The following CIT variants were observed in gnomAD, a reference collection of about 807,000 sequenced individuals.
The protein encoded by CIT is citron rho-interacting serine/threonine kinase.
A neutral mutation model predicts 272.7 loss-of-function variants in CIT; 79 were observed. The observed-to-expected ratio is 0.29, with a 90% CI of 0.24 to 0.35. The LOEUF (loss-of-function observed/expected upper bound fraction) is 0.35. Among genes scored for constraint, CIT ranks in the 10% least tolerant of loss-of-function variants. CIT has a pLI of 1.00. For synonymous variants in CIT, 948 were observed against 995.6 expected (o/e 0.95, Z 0.90); for missense variants, 1,909 against 2,618.3 (o/e 0.73, Z 5.91).
intron 4 of CIT, 64 bp from the exon 5 acceptor site, chr12:119,850,339 C>T: frequency 1.0e-6 from 1 of 974,880 alleles, no homozygotes; most frequent in East Asian, 2.8e-5. Flanking sequence ...GAAGCCTTTT[C>T]CTCTGTCTTT....
chr12:119,804,276 C>G lies in CIT; in HGVS notation c.1112-887G>C. 1.0e-6 allele frequency: 1 copy of G among 985,536 alleles called. No individual in the cohort carries two copies. Among genetic ancestry groups the G allele is most frequent in the Non-Finnish European group, 1.2e-6 (1 of 829,994 alleles). The allele number at this position is 985,536 out of a possible 1,614,324, so 61.0% of individuals were successfully genotyped here. ...CACTCGTCCATCAGTCACCAGGAGG[C>G]TGCCCATCGCGGTGGGCTCCCGGGG... On this transcript the variant is annotated intron_variant, in intron 9 of 47. Transcript: ENST00000392521. This position sits in a 1 kb window ranked among gnomAD's most constrained non-coding sequence, Gnocchi z 5.3.
intron 3 of CIT, among the ~76,000 whole-genome samples, chr12:119,862,860 A>AAAAAAAAAAAAAC: frequency 7.1e-6 from 1 of 141,382 alleles, no homozygotes; most frequent in African/African-American, 2.8e-5. Context: ...AAAAAAAAAA[A>AAAAAAAAAAAAAC]CGAGGTAGGA....
At chr12:119,692,868 T>G (rs1053643064) in intron 46 of CIT, among the ~76,000 whole-genome samples, 1 of 152,196 alleles carries the variant, frequency 6.6e-6, no homozygotes. Flanking sequence ...AGAACCCCTG[T>G]CTCTGCAGCA....
intron 10 of CIT, among the ~76,000 whole-genome samples, chr12:119,785,379 C>T (rs1566041266): frequency 6.6e-6 from 1 of 152,100 alleles, no homozygotes; most frequent in Non-Finnish European, 1.5e-5. Flanking sequence ...AAGCAAGGAT[C>T]GGAGTCACAG....
Position 119,804,477 on chromosome 12 carries a change from A to AG in CIT, c.1112-1089dup. 1.0e-6 allele frequency: 1 copy of AG among 985,666 alleles called. No individual in the cohort carries two copies. The highest frequency in any genetic ancestry group is 1.2e-6 in the Non-Finnish European group (1 of 830,110). The allele number at this position is 985,666 out of a possible 1,614,324, so 61.1% of individuals were successfully genotyped here. ...GGCTGCCGCCTGCCTGCCAGGGGCC[A>AG]GTGCTGATCCCAGTGACAGAGCAGC... On this transcript the variant is annotated intron_variant, in intron 9 of 47. Coordinates refer to ENST00000392521, the MANE Select transcript of CIT (RefSeq NM_001206999.2). This position sits in a 1 kb window ranked among gnomAD's most constrained non-coding sequence, Gnocchi z 5.3.
At position 119,721,263 on chromosome 12, in the gene CIT, A is replaced by G. The variant is rs371596334; in HGVS notation, c.3732+46T>C. 15 of 1,553,174 alleles carry G rather than the reference A, an allele frequency of 9.7e-6. 1 individual carries two copies. The South Asian group carries it at 1.8e-4, about 18-fold the overall frequency. ...ATTACAGGCATGAGCCACTGCGCCC[A>G]GCCGTGCAGACCATTTTTAAGCAGA... is the stretch of plus-strand genomic sequence containing the variant. On this transcript the variant is annotated intron_variant, in intron 29 of 47. Transcript: ENST00000392521.
intron 47 of CIT, among the ~76,000 whole-genome samples, chr12:119,688,753 T>A (rs1955735738): frequency 6.6e-6 from 1 of 152,208 alleles, no homozygotes; most frequent in African/African-American, 2.4e-5. Flanking sequence ...AAACCTAAAA[T>A]TACACAGATC....
chr12:119,743,440 C>T (rs1341874821), intron 23 of CIT, among the ~76,000 whole-genome samples: 1 of 152,006 alleles, frequency 6.6e-6, no homozygotes, highest in Non-Finnish European at 1.5e-5. Flanking sequence ...CAACAACAAC[C>T]AAAAAAACTG....
At position 119,690,269 on chromosome 12, in the gene CIT, G is replaced by T. The variant is rs1416174907; in HGVS notation, c.6068C>A (p.Ser2023Tyr). Residue 2023 changes from serine to tyrosine, a missense_variant, in exon 47 of 48, where the codon TCC becomes TAC. Physicochemically the swap from Ser to Tyr is moderately radical, Grantham distance 144. Coordinates refer to ENST00000392521, the MANE Select transcript of CIT (RefSeq NM_001206999.2). The surrounding 1 kb of genome is among the most constrained non-coding windows in gnomAD (Gnocchi z 6.0). ...CCGCGTGCTGAGCATCCGGCCGGGGGACTTCTCTCGCTCCAGGGGGCGGCC... is the reference window on the plus strand; with the variant it reads ...CCGCGTGCTGAGCATCCGGCCGGGGTACTTCTCTCGCTCCAGGGGGCGGCC... ...SPGRPLEREK[S>Y]PGRMLSTRRE... 3 of 1,577,762 alleles carry T rather than the reference G, an allele frequency of 1.9e-6. No homozygotes were observed. Among genetic ancestry groups the T allele is most frequent in the Non-Finnish European group, 2.6e-6 (3 of 1,171,372 alleles).
At chr12:119,778,435 A>C (rs1963981417) in intron 13 of CIT, among the ~76,000 whole-genome samples, 2 of 152,250 alleles carry the variant, frequency 1.3e-5, no homozygotes, top group Admixed American at 1.3e-4. Context: ...GAAATGAACA[A>C]GGAATTGAAT....
rs570044061 is a variant in CIT, at chr12:119,712,412, G to A, written c.4685-65C>T. 482 of 1,522,062 alleles carry A rather than the reference G, an allele frequency of 3.2e-4. 1 individual carries two copies. The highest frequency in any genetic ancestry group is 4.2e-4 in the Non-Finnish European group (471 of 1,120,430). 94.3% of individuals were successfully genotyped at this position (1,522,062 alleles called of 1,614,324 possible). ...CCCCCGTTCCCACTGGGAGGGACGG[G>A]CCTGAGAGATCAAAGATGCCCACCA... On this transcript the variant is annotated intron_variant, in intron 36 of 47. Coordinates refer to ENST00000392521, the MANE Select transcript of CIT (RefSeq NM_001206999.2). This position sits in a 1 kb window ranked among gnomAD's most constrained non-coding sequence, Gnocchi z 5.2.
intron 3 of CIT, among the ~76,000 whole-genome samples, chr12:119,866,810 CA>C (rs56218289): frequency 1.3e-5 from 2 of 149,544 alleles, no homozygotes; most frequent in African/African-American, 2.5e-5. Flanking sequence ...GACTTTGTCT[CA>C]AAAAAAAATA....
At chr12:119,758,481 A>G (rs544392668) in intron 21 of CIT, 110 bp downstream of exon 21, 2 of 718,246 alleles carry the variant, frequency 2.8e-6, no homozygotes, top group East Asian at 5.2e-5. Context: ...GCTGAGCTAC[A>G]GAAGTCATTC....
In CIT at chr12:119,772,533, G is replaced by A. The variant is rs203332; in HGVS notation, c.2082+237C>T. ...TCCCAGATTAGTGGGTAGGTCAGAG[G>A]AAAATAAACAGAAAGAAAAAACTTC... is the stretch of plus-strand genomic sequence containing the variant. On this transcript the variant is annotated intron_variant, in intron 17 of 47. Coordinates refer to ENST00000392521, the MANE Select transcript of CIT (RefSeq NM_001206999.2). Among the ~76,000 whole-genome samples the A allele has an allele frequency of 0.51, 77,505 of 152,082 alleles. 20,017 individuals carry two copies. The highest frequency in any genetic ancestry group is 0.59 in the Admixed American group (8,992 of 15,286).
In CIT at chr12:119,697,712, G is replaced by A. The variant is rs147838313; in HGVS notation, c.5829C>T (p.Asn1943=). 62 of 1,614,068 alleles carry A rather than the reference G, an allele frequency of 3.8e-5. No homozygotes were observed. The highest frequency in any genetic ancestry group is 5.1e-5 in the Non-Finnish European group (60 of 1,180,044). Residue 1943 remains asparagine, a synonymous_variant, in exon 46 of 48, where the codon AAC becomes AAT. Transcript: ENST00000392521. The surrounding 1 kb of genome is among the most constrained non-coding windows in gnomAD (Gnocchi z 4.9). ...DKLRVICCKG[N]LVKESGTEHH... ...GTTCAGTGCCGGACTCCTTCACGAG[G>A]TTTCCCTTGCAGCAAATGACCCTTA...
At chr12:119,722,662 T>C (rs1957861415) in intron 28 of CIT, among the ~76,000 whole-genome samples, 1 of 152,188 alleles carries the variant, frequency 6.6e-6, no homozygotes, top group Non-Finnish European at 1.5e-5. Flanking sequence ...TTAAAATCTG[T>C]ATTTATCACC....
intron 44 of CIT, among the ~76,000 whole-genome samples, chr12:119,698,851 T>C (rs962624655): frequency 1.3e-5 from 2 of 152,212 alleles, no homozygotes; most frequent in African/African-American, 4.8e-5. Context: ...TTTTTTTCTT[T>C]GGAGGAATAG....
At chr12:119,748,844 C>A (rs1959811723) in intron 23 of CIT, among the ~76,000 whole-genome samples, 1 of 152,188 alleles carries the variant, frequency 6.6e-6, no homozygotes, top group Non-Finnish European at 1.5e-5. Context: ...ACACAGAGCA[C>A]ACAGCACGCC....
intron 23 of CIT, among the ~76,000 whole-genome samples, chr12:119,743,679 T>C (rs1057374832): frequency 6.6e-6 from 1 of 152,232 alleles, no homozygotes; most frequent in Non-Finnish European, 1.5e-5. Flanking sequence ...CCTAATTTTA[T>C]GTAACATTAA....
Sources: allele counts gnomAD v4.1 joint callset (sites outside exome capture counted in the v4.1 genomes callset), GRCh38; gene constraint gnomAD v4.1.1; non-coding constraint Gnocchi (gnomAD v3.1); transcripts MANE v1.5; gene names NCBI Gene and HGNC (gene_info 2026-07-23, HGNC 2026-07-21).